ANKRD30B: variants seen among roughly 807,000 people sequenced by gnomAD.
The protein encoded by ANKRD30B is ankyrin repeat domain-containing protein 30B.
Under a neutral mutation model 202.2 loss-of-function variants are expected in ANKRD30B, and 144 were observed. The ratio of observed to expected loss-of-function variants is 0.71; its 90% CI spans 0.62 to 0.82. The LOEUF (loss-of-function observed/expected upper bound fraction) is 0.82. Among genes scored for constraint, ANKRD30B ranks in the 40% least tolerant of loss-of-function variants. ANKRD30B has a pLI of 0.00. For missense variants in ANKRD30B, 1,487 were observed against 1,669.1 expected, an observed-to-expected ratio of 0.89 and a Z score of 1.90; for synonymous variants, 508 against 561.3, an observed-to-expected ratio of 0.91 and a Z score of 1.34.
Position 14,835,594 on chromosome 18 carries a change from T to A in ANKRD30B, c.2848-1617T>A, listed in dbSNP as rs146530819. Among the ~76,000 whole-genome samples, 396 of 151,728 alleles carry A rather than the reference T, an allele frequency of 2.6e-3. 4 individuals carry two copies. The highest frequency in any genetic ancestry group is 9.1e-3 in the African/African-American group (377 of 41,558). ...TCTCCTATGAATACTGAATTCTGCT[T>A]GACAATCATAGATATATGTAAAAAC... On this transcript the variant is annotated intron_variant, in intron 34 of 43. Transcript: ENST00000690538.
chr18:14,931,342 C>A, the ANKRD30B span, among the ~76,000 whole-genome samples: 1 of 152,174 alleles, frequency 6.6e-6, no homozygotes, highest in African/African-American at 2.4e-5. Flanking sequence ...AGAACAAGGA[C>A]GAGTATTTTG....
the ANKRD30B span, among the ~76,000 whole-genome samples, chr18:14,896,941 C>A: frequency 6.8e-6 from 1 of 146,992 alleles, no homozygotes; most frequent in Admixed American, 6.9e-5. Flanking sequence ...AAAATGAGTG[C>A]TACCTAGCAG....
At chr18:14,844,787 G>A (rs1971565007) in intron 39 of ANKRD30B, among the ~76,000 whole-genome samples, 1 of 152,072 alleles carries the variant, frequency 6.6e-6, no homozygotes, top group African/African-American at 2.4e-5. Flanking sequence ...TAACTGGTGT[G>A]AGATGGTATC....
In ANKRD30B at chr18:14,764,077, A is replaced by C. The variant is rs1915702652; in HGVS notation, c.1212A>C (p.Lys404Asn). ...GTCCTACAAAAGAAACATCTACAAA[A>C]GCAAGTACAAATGGTAAGATGCTTG... is the stretch of plus-strand genomic sequence containing the variant. ...IACPTKETST[K>N]ASTNVDVSSV... Residue 404 changes from lysine to asparagine, a missense_variant, in exon 7 of 44, where the codon AAA becomes AAC. Transcript: ENST00000690538. 1 of 1,525,552 alleles carries C rather than the reference A, an allele frequency of 6.6e-7. No individual in the cohort carries two copies. 94.5% of individuals were successfully genotyped at this position (1,525,552 alleles called of 1,614,324 possible).
chr18:14,920,190 TC>T, the ANKRD30B span, among the ~76,000 whole-genome samples: 13 of 152,244 alleles, frequency 8.5e-5, no homozygotes, highest in Non-Finnish European at 1.8e-4. Context: ...ATTTATTCGT[TC>T]ATTCATTTGA....
the ANKRD30B span, among the ~76,000 whole-genome samples, chr18:14,902,037 A>G: frequency 6.6e-6 from 1 of 152,210 alleles, no homozygotes; most frequent in Admixed American, 6.5e-5. Flanking sequence ...CACTTCTTAC[A>G]TGGTGGCACC....
chr18:14,778,450 A>G (rs1221841172), intron 10 of ANKRD30B, among the ~76,000 whole-genome samples: 1 of 152,214 alleles, frequency 6.6e-6, no homozygotes, highest in African/African-American at 2.4e-5. Flanking sequence ...AAAGTTTTGA[A>G]GAATATAAGG....
intron 34 of ANKRD30B, among the ~76,000 whole-genome samples, chr18:14,832,501 T>A (rs1397400242): frequency 1.3e-5 from 2 of 152,198 alleles, no homozygotes; most frequent in Non-Finnish European, 2.9e-5. Context: ...TATTTAGTTA[T>A]TTAAATAATC....
rs758125524 is a variant in ANKRD30B, at chr18:14,848,863, C to T, written c.3329C>T (p.Ala1110Val). 8.7e-5 allele frequency: 139 copies of T among 1,600,542 alleles called. 1 individual carries two copies. In the East Asian group the frequency reaches 2.0e-3, roughly 23 times the overall value. ...GTACTACAAAAGGAACTGTCAGAAG[C>T]GAAAGAAATAAAATCACAGTTAGAG... is the stretch of plus-strand genomic sequence containing the variant. ...FCVLQKELSE[A>V]KEIKSQLENQ... Residue 1110 changes from alanine to valine, a missense_variant, in exon 40 of 44, where the codon GCG becomes GTG. Transcript: ENST00000690538.
At chr18:14,919,925 G>T in the ANKRD30B span, among the ~76,000 whole-genome samples, 1 of 152,220 alleles carries the variant, frequency 6.6e-6, no homozygotes, top group Non-Finnish European at 1.5e-5. Context: ...CCAGGCTTCT[G>T]TGCTGGTAGT....
chr18:14,884,247 C>G, the ANKRD30B span, among the ~76,000 whole-genome samples: 1 of 144,888 alleles, frequency 6.9e-6, no homozygotes. Context: ...ATGGAGAGGT[C>G]CATGTGGTAA....
intron 32 of ANKRD30B, among the ~76,000 whole-genome samples, chr18:14,824,320 A>G (rs1437842960): frequency 1.3e-5 from 2 of 152,228 alleles, no homozygotes; most frequent in Admixed American, 6.5e-5. Context: ...ATTAGAAATT[A>G]AAATGAAAAT....
chr18:14,794,842 T>G (rs1164487553), intron 16 of ANKRD30B, among the ~76,000 whole-genome samples: 1 of 152,134 alleles, frequency 6.6e-6, no homozygotes, highest in Non-Finnish European at 1.5e-5. Context: ...ACTTGATATG[T>G]CTAAATATAT....
At chr18:14,781,389 G>A (rs1291941651) in intron 11 of ANKRD30B, among the ~76,000 whole-genome samples, 1 of 144,582 alleles carries the variant, frequency 6.9e-6, no homozygotes, top group Non-Finnish European at 1.5e-5. Context: ...CTGCCTCCTG[G>A]GTTCACGCCA....
the ANKRD30B span, among the ~76,000 whole-genome samples, chr18:14,874,716 G>T: frequency 6.6e-6 from 1 of 152,142 alleles, no homozygotes; most frequent in South Asian, 2.1e-4. Flanking sequence ...GCAGAGCCTG[G>T]GTGTAGAAGG....
chr18:14,861,136 C>T, the ANKRD30B span, among the ~76,000 whole-genome samples: 435 of 152,112 alleles, frequency 2.9e-3, 4 homozygotes, highest in South Asian at 6.0e-3. Flanking sequence ...GAGTTTGGCT[C>T]GTGAAAATAA....
At chr18:14,915,111 T>C in the ANKRD30B span, among the ~76,000 whole-genome samples, 2 of 151,728 alleles carry the variant, frequency 1.3e-5, no homozygotes, top group African/African-American at 2.4e-5. Context: ...ATCTCCATGC[T>C]CCCCCCACTA....
At chr18:14,915,048 A>C in the ANKRD30B span, among the ~76,000 whole-genome samples, 1 of 152,214 alleles carries the variant, frequency 6.6e-6, no homozygotes, top group Non-Finnish European at 1.5e-5. Flanking sequence ...GAATGAGCCT[A>C]CGAAGTAAAT....
the ANKRD30B span, among the ~76,000 whole-genome samples, chr18:14,881,433 C>T: frequency 6.6e-6 from 1 of 152,096 alleles, no homozygotes; most frequent in Non-Finnish European, 1.5e-5. Context: ...GTATGAAACA[C>T]ACTTGATCAT....
Sources: allele counts gnomAD v4.1 joint callset (sites outside exome capture counted in the v4.1 genomes callset), GRCh38; gene constraint gnomAD v4.1.1; transcripts MANE v1.5; gene names NCBI Gene and HGNC (gene_info 2026-07-23, HGNC 2026-07-21).